The following UBR3 variants were observed in gnomAD, a reference collection of about 807,000 sequenced individuals.
UBR3 encodes the protein ubiquitin protein ligase E3 component n-recognin 3, also known as E3 ubiquitin-protein ligase UBR3.
UBR3 carries 85 observed loss-of-function variants against 243.2 expected under a neutral mutation model. That is an observed-to-expected ratio of 0.35 (90% CI 0.29 to 0.42). The LOEUF is 0.42. UBR3 is among the 10% of genes least tolerant of loss of function. The pLI is 1.00. For missense variants in UBR3, 1,686 were observed against 2,300.8 expected (o/e 0.73, Z 5.47); for synonymous variants, 748 against 799.8 (o/e 0.94, Z 1.09).
At chr2:169,903,154 A>G (rs1180587143) in intron 8 of UBR3, among the ~76,000 whole-genome samples, 1 of 152,214 alleles carries the variant, frequency 6.6e-6, no homozygotes, top group Non-Finnish European at 1.5e-5. Flanking sequence ...ATTGCTCTTT[A>G]TATCTGTAAT....
intron 3 of UBR3, among the ~76,000 whole-genome samples, 187 bp downstream of exon 3, chr2:169,876,136 T>A (rs1574097747): frequency 6.7e-6 from 1 of 148,886 alleles, no homozygotes; most frequent in Admixed American, 6.9e-5. Flanking sequence ...CAGGCTGGAG[T>A]GCAGTGGCGC....
At chr2:169,904,340 A>G (rs1008071567) in intron 8 of UBR3, among the ~76,000 whole-genome samples, 2 of 152,206 alleles carry the variant, frequency 1.3e-5, no homozygotes, top group African/African-American at 4.8e-5. Context: ...GGAATGAGCT[A>G]TGAGCCTTGA....
chr2:169,898,955 C>G (rs1458328583), intron 8 of UBR3, among the ~76,000 whole-genome samples: 1 of 151,966 alleles, frequency 6.6e-6, no homozygotes. Flanking sequence ...CCTGCCTCGG[C>G]CTCCCAAAGT....
In UBR3 at chr2:170,084,090, AT is replaced by A. The variant is rs1306216493; in HGVS notation, c.*2248del. 8 of 152,470 alleles carry A rather than the reference AT, an allele frequency of 5.2e-5. No homozygotes were observed. The highest frequency in any genetic ancestry group is 1.9e-4 in the African/African-American group (8 of 41,450). 9.4% of individuals were successfully genotyped at this position (152,470 alleles called of 1,614,324 possible). ...ATAATCAACATTGTAAGATATGTTA[AT>A]AAAAACCTGCTGTCATTTGGTTTGT... On this transcript the variant is annotated 3_prime_UTR_variant, in exon 39 of 39. Coordinates refer to ENST00000272793, the MANE Select transcript of UBR3 (RefSeq NM_172070.4).
In UBR3 at chr2:169,994,229, G is replaced by A. The variant is rs531402595; in HGVS notation, c.3785-94G>A. The A allele has an allele frequency of 5.7e-5, 79 of 1,393,638 alleles. 1 individual carries two copies. The highest frequency in any genetic ancestry group is 1.9e-4 in the Middle Eastern group (1 of 5,244). The allele number at this position is 1,393,638 out of a possible 1,614,324, so 86.3% of individuals were successfully genotyped here. A position where few individuals can be genotyped will look rare whatever the true frequency, so the allele number is the denominator to read the frequency against. On this transcript the variant is annotated intron_variant, in intron 25 of 38. Coordinates refer to ENST00000272793, the MANE Select transcript of UBR3 (RefSeq NM_172070.4). ...AAATATTCTAATAGTGAAATAATTT[G>A]AGTTGCTTGTGGTAAATAACTCAGC... is the stretch of plus-strand genomic sequence containing the variant.
chr2:169,839,627 G>A (rs914601111), intron 1 of UBR3, among the ~76,000 whole-genome samples: 5 of 152,118 alleles, frequency 3.3e-5, no homozygotes, highest in African/African-American at 9.7e-5. Flanking sequence ...ATTATTACAT[G>A]TACTCAGAAA....
rs867794917 is a variant in UBR3, at chr2:169,882,339, A to G, written c.1038+3765A>G. ...TTTATATATTATATATGTATTATAT[A>G]ATATATATGTAAATATATATTATAT... On this transcript the variant is annotated intron_variant, in intron 5 of 38. Transcript: ENST00000272793. 7.9e-4 allele frequency among the ~76,000 whole-genome samples: 109 copies of G among 137,372 alleles called. 1 individual carries two copies. In the Middle Eastern group the frequency reaches 0.012, roughly 15 times the overall value. The allele number at this position is 137,372 out of a possible 152,430, so 90.1% of individuals were successfully genotyped here.
intron 1 of UBR3, among the ~76,000 whole-genome samples, chr2:169,836,353 G>A (rs1327457528): frequency 6.6e-6 from 1 of 151,568 alleles, no homozygotes; most frequent in Non-Finnish European, 1.5e-5. Flanking sequence ...CCAGAGTGCT[G>A]GAATTACAGG....
rs368609741 is a variant in UBR3 at position 170,057,674 on chromosome 2, GT to G, written c.4785+2097del. 3.6e-3 allele frequency among the ~76,000 whole-genome samples: 543 copies of G among 152,078 alleles called. 3 individuals carry two copies. The highest frequency in any genetic ancestry group is 0.012 in the African/African-American group (500 of 41,500). ...TGATGTAATTTAGGTAACTGGTCCAGTTTTTTTCTGAACCTCGTAATTGTTA... is the reference window on the plus strand; with the variant it reads ...TGATGTAATTTAGGTAACTGGTCCAGTTTTTTCTGAACCTCGTAATTGTTA... On this transcript the variant is annotated intron_variant, in intron 33 of 38. Transcript: ENST00000272793.
chr2:169,979,626 C>T (rs1385159190), intron 24 of UBR3, among the ~76,000 whole-genome samples: 4 of 152,110 alleles, frequency 2.6e-5, no homozygotes, highest in South Asian at 2.1e-4. Flanking sequence ...AAATACATAC[C>T]GCTTAGTGAA....
chr2:170,058,922 A>C (rs1005921665), intron 33 of UBR3, among the ~76,000 whole-genome samples: 2 of 152,190 alleles, frequency 1.3e-5, no homozygotes, highest in Non-Finnish European at 2.9e-5. Context: ...ACTTTAAGAA[A>C]TACTGTAATT....
At chr2:169,951,094 C>T (rs1383795997) in intron 23 of UBR3, among the ~76,000 whole-genome samples, 1 of 152,104 alleles carries the variant, frequency 6.6e-6, no homozygotes, top group Non-Finnish European at 1.5e-5. Context: ...GTACACATTT[C>T]CCGTTAGGGA....
chr2:169,894,205 C>A (rs1337759716), intron 6 of UBR3, among the ~76,000 whole-genome samples: 1 of 150,878 alleles, frequency 6.6e-6, no homozygotes, highest in African/African-American at 2.4e-5. Flanking sequence ...CACCTATAGT[C>A]CTAGCTATTC....
chr2:169,886,810 T>C (rs1488738452), intron 5 of UBR3, among the ~76,000 whole-genome samples: 2 of 152,260 alleles, frequency 1.3e-5, no homozygotes, highest in Non-Finnish European at 2.9e-5. Flanking sequence ...TGTAGTGTTA[T>C]ACTTGTGAAG....
intron 16 of UBR3, 107 bp downstream of exon 16, chr2:169,927,078 A>G (rs1237138375): frequency 3.1e-6 from 4 of 1,304,844 alleles, no homozygotes; most frequent in Admixed American, 2.4e-5. Context: ...ATGTAGATAA[A>G]TGTAAACAAT....
intron 36 of UBR3, among the ~76,000 whole-genome samples, chr2:170,076,966 G>A (rs1427317026): frequency 6.6e-6 from 1 of 152,186 alleles, no homozygotes; most frequent in Non-Finnish European, 1.5e-5. Flanking sequence ...TCCAGGCAAT[G>A]CGATAAGCCA....
At chr2:169,997,420 C>CA (rs2089532448) in intron 26 of UBR3, among the ~76,000 whole-genome samples, 1 of 152,070 alleles carries the variant, frequency 6.6e-6, no homozygotes, top group Admixed American at 6.5e-5. Flanking sequence ...CCCGAAAACT[C>CA]AGAGACACCA....
chr2:170,073,360 G>T, intron 35 of UBR3, 68 bp from the exon 36 acceptor site: 1 of 1,563,600 alleles, frequency 6.4e-7, no homozygotes, highest in South Asian at 1.1e-5. Flanking sequence ...TGATGAGGGT[G>T]ACCTTTTATG....
chr2:169,937,110 A>G lies in UBR3; in HGVS notation c.2663+4102A>G, dbSNP rs192449868. Among the ~76,000 whole-genome samples the G allele has an allele frequency of 2.4e-4, 36 of 152,252 alleles. No homozygotes were observed. In the South Asian group the frequency reaches 2.9e-3, roughly 12 times the overall value. ...AGGAATCACCACACTGACTTCCACA[A>G]TGGTTGAACTAGTTAGTGTAAAAGT... On this transcript the variant is annotated intron_variant, in intron 19 of 38. Coordinates refer to ENST00000272793, the MANE Select transcript of UBR3 (RefSeq NM_172070.4).
Sources: gnomAD v4.1 joint callset for allele counts (sites outside exome capture counted in the v4.1 genomes callset) on GRCh38, gnomAD v4.1.1 for gene constraint, MANE v1.5 for transcripts, NCBI Gene and HGNC (gene_info 2026-07-23, HGNC 2026-07-21) for gene names.